STK32A: variants seen among roughly 807,000 people sequenced by gnomAD.
STK32A encodes serine/threonine kinase 32A.
STK32A carries 41 observed loss-of-function variants against 53.2 expected under a neutral mutation model. That is an observed-to-expected ratio of 0.77 (90% CI 0.60 to 1.00). STK32A has a LOEUF of 1.00. Ranked by LOEUF, STK32A falls within the 50% of genes least tolerant of loss-of-function variation. STK32A has a pLI of 0.00. For missense variants in STK32A, 458 were observed against 485.8 expected, an observed-to-expected ratio of 0.94 and a Z score of 0.54; for synonymous variants, 166 against 162.8, an observed-to-expected ratio of 1.02 and a Z score of -0.15.
Position 147,361,426 on chromosome 5 carries a change from C to T in STK32A, c.563-91C>T, listed in dbSNP as rs571427527. 33 of 851,812 alleles carry T rather than the reference C, an allele frequency of 3.9e-5. No homozygotes were observed. In the South Asian group the frequency reaches 4.3e-4, roughly 11 times the overall value. The allele number at this position is 851,812 out of a possible 1,614,324, so 52.8% of individuals were successfully genotyped here. On this transcript the variant is annotated intron_variant, in intron 7 of 12. Transcript: ENST00000397936. ...CCATAAAAGTGTTTATATTTTTGATCCTGGTAATTCTCCTTTGGAGGAACA... is the reference window on the plus strand; with the variant it reads ...CCATAAAAGTGTTTATATTTTTGATTCTGGTAATTCTCCTTTGGAGGAACA...
chr5:147,381,209 A>C (rs78828626), intron 11 of STK32A, among the ~76,000 whole-genome samples: 3,173 of 152,196 alleles, frequency 0.021, 122 homozygotes, highest in African/African-American at 0.071. Flanking sequence ...TTCTTTTAGC[A>C]CTTTGAATAT....
chr5:147,352,686 A>AT (rs1756040519), intron 7 of STK32A, among the ~76,000 whole-genome samples: 1 of 152,164 alleles, frequency 6.6e-6, no homozygotes, highest in Admixed American at 6.5e-5. Flanking sequence ...CTGGAATTTA[A>AT]TTCTTGATTA....
chr5:147,309,598 T>C (rs1040017564), intron 4 of STK32A, among the ~76,000 whole-genome samples: 1 of 152,166 alleles, frequency 6.6e-6, no homozygotes, highest in Non-Finnish European at 1.5e-5. Flanking sequence ...GTTTGATGAA[T>C]TGAAAAGCGT....
chr5:147,249,302 G>C (rs1753880710), intron 2 of STK32A, among the ~76,000 whole-genome samples: 1 of 151,952 alleles, frequency 6.6e-6, no homozygotes, highest in Non-Finnish European at 1.5e-5. Flanking sequence ...AATAGTATCT[G>C]TCTCATAGTT....
chr5:147,345,586 T>G (rs1755642627), intron 6 of STK32A, among the ~76,000 whole-genome samples: 1 of 152,242 alleles, frequency 6.6e-6, no homozygotes, highest in Non-Finnish European at 1.5e-5. Flanking sequence ...ACTTCTTAGA[T>G]CTTGTGTTTA....
chr5:147,337,246 T>G (rs1362491978), intron 5 of STK32A, among the ~76,000 whole-genome samples: 1 of 152,168 alleles, frequency 6.6e-6, no homozygotes, highest in Non-Finnish European at 1.5e-5. Context: ...CAAGATGCAA[T>G]GAAGAATTTC....
At chr5:147,365,726 G>T (rs11167988) in intron 8 of STK32A, among the ~76,000 whole-genome samples, 5,645 of 152,102 alleles carry the variant, frequency 0.037, 295 homozygotes, top group East Asian at 0.2. Flanking sequence ...ATTGTGCTCT[G>T]CCCTCATCTT....
intron 11 of STK32A, among the ~76,000 whole-genome samples, chr5:147,380,178 A>T (rs1015125174): frequency 1.3e-5 from 2 of 152,186 alleles, no homozygotes; most frequent in Non-Finnish European, 2.9e-5. Context: ...TTTTAATGCT[A>T]AAAATTATTT....
intron 11 of STK32A, among the ~76,000 whole-genome samples, chr5:147,381,421 T>A (rs1461002787): frequency 6.6e-6 from 1 of 152,120 alleles, no homozygotes; most frequent in Non-Finnish European, 1.5e-5. Flanking sequence ...GGCAGGCGGA[T>A]CACTTGAGGC....
intron 4 of STK32A, among the ~76,000 whole-genome samples, chr5:147,319,773 C>A (rs1010409796): frequency 6.6e-6 from 1 of 152,308 alleles, no homozygotes; most frequent in South Asian, 2.1e-4. Context: ...CTGCTGTGAG[C>A]ACTCCCTGTT....
chr5:147,388,077 T>A (rs1420958382), downstream of STK32A, among the ~76,000 whole-genome samples: 5 of 152,174 alleles, frequency 3.3e-5, no homozygotes, highest in Non-Finnish European at 7.3e-5. Context: ...AAACTAAAAA[T>A]CCTTACCTCT....
chr5:147,255,959 C>T (rs1268833354), intron 2 of STK32A, among the ~76,000 whole-genome samples: 3 of 152,160 alleles, frequency 2.0e-5, no homozygotes, highest in Non-Finnish European at 4.4e-5. Context: ...AGGGGCTTCT[C>T]TCGCTTTACG....
chr5:147,345,065 C>A (rs183668364), intron 6 of STK32A, among the ~76,000 whole-genome samples: 83 of 152,230 alleles, frequency 5.5e-4, no homozygotes, highest in South Asian at 1.2e-3. Context: ...TAGAGACTAC[C>A]CTTGTGAAAG....
chr5:147,312,101 C>T (rs1261171151), intron 4 of STK32A, among the ~76,000 whole-genome samples: 1 of 151,982 alleles, frequency 6.6e-6, no homozygotes, highest in Non-Finnish European at 1.5e-5. Context: ...TTTTAATGAA[C>T]ATTTATTTAT....
intron 4 of STK32A, among the ~76,000 whole-genome samples, chr5:147,296,790 G>C (rs1752887822): frequency 6.6e-6 from 1 of 152,262 alleles, no homozygotes; most frequent in East Asian, 1.9e-4. Context: ...CCTTGGTGGA[G>C]GTTGGGGGTG....
intron 2 of STK32A, among the ~76,000 whole-genome samples, chr5:147,247,632 C>T (rs1317308537): frequency 6.6e-6 from 1 of 152,164 alleles, no homozygotes; most frequent in South Asian, 2.1e-4. Context: ...TTTACACTTT[C>T]CAAGTAATAC....
intron 9 of STK32A, among the ~76,000 whole-genome samples, chr5:147,371,114 G>T (rs752502128): frequency 6.6e-6 from 1 of 151,986 alleles, no homozygotes; most frequent in Non-Finnish European, 1.5e-5. Context: ...TCATCACCAG[G>T]TTCTGAAATT....
At chr5:147,244,358 T>C (rs768087127) in intron 2 of STK32A, among the ~76,000 whole-genome samples, 2 of 152,238 alleles carry the variant, frequency 1.3e-5, no homozygotes, top group African/African-American at 2.4e-5. Flanking sequence ...CAAATGTCTG[T>C]TCAAGTCCCT....
chr5:147,265,831 T>G (rs912677025), intron 2 of STK32A, among the ~76,000 whole-genome samples: 3 of 152,188 alleles, frequency 2.0e-5, no homozygotes, highest in Non-Finnish European at 2.9e-5. Flanking sequence ...TGTAACTGAC[T>G]GTATTTGAGA....
Sources: gnomAD v4.1 joint callset for allele counts (sites outside exome capture counted in the v4.1 genomes callset) on GRCh38, gnomAD v4.1.1 for gene constraint, MANE v1.5 for transcripts, NCBI Gene and HGNC (gene_info 2026-07-23, HGNC 2026-07-21) for gene names.